Variants in RP1 observed in about 807,000 individuals in gnomAD.
RP1 encodes RP1 axonemal microtubule associated, also known as oxygen-regulated protein 1.
Under a neutral mutation model 14.8 loss-of-function variants are expected in RP1, and 16 were observed. The observed-to-expected ratio is 1.08, with a 90% confidence interval of 0.73 to 1.65. The LOEUF is 1.65. Among genes scored for constraint, RP1 ranks in the 40% most tolerant of loss-of-function variants. The probability of loss-of-function intolerance (pLI) is 0.00; values close to 1 mark genes in which losing one functional copy is unlikely to be tolerated. For synonymous variants in RP1, 876 were observed against 883.6 expected, an observed-to-expected ratio of 0.99 and a Z score of 0.15; for missense variants, 2,631 against 2,535.0, an observed-to-expected ratio of 1.04 and a Z score of -0.81.
At chr8:54,632,601 A>G (rs1216796724), downstream of RP1, among the ~76,000 whole-genome samples, 2 of 152,196 alleles carry the variant, frequency 1.3e-5, no homozygotes, top group Non-Finnish European at 2.9e-5. Context: ...CCTCTTACTA[A>G]TTTCAGATCC....
rs1285005619 is a variant in RP1 at position 54,620,950 on chromosome 8, T to G, written c.-12-5T>G. On this transcript the variant is annotated splice_region_variant and splice_polypyrimidine_tract_variant and intron_variant, in intron 1 of 3. Coordinates refer to ENST00000220676, the MANE Select transcript of RP1 (RefSeq NM_006269.2). ...ATTCTGGAGATAATTTTCTTTCTTC[T>G]CTAGGTCTCAGCCAAAATGAGTGAT... 1 of 1,614,024 alleles carries G rather than the reference T, an allele frequency of 6.2e-7. No homozygotes were observed. Among genetic ancestry groups the G allele is most frequent in the East Asian group, 2.2e-5 (1 of 44,880 alleles).
intron 1 of RP1, chr8:54,561,774 G>T (rs1347380784): frequency 6.6e-6 from 1 of 152,156 alleles, no homozygotes; most frequent in Non-Finnish European, 1.5e-5. Flanking sequence ...ATTATTGCTG[G>T]AACATTCTAT....
intron 24 of RP1, among the ~76,000 whole-genome samples, chr8:54,789,592 C>A (rs1450778215): frequency 1.3e-5 from 2 of 152,162 alleles, no homozygotes; most frequent in Non-Finnish European, 2.9e-5. Context: ...CAGTCTATGG[C>A]CCCTTTCAGC....
chr8:54,620,938 T>A lies in RP1; in HGVS notation c.-12-17T>A, dbSNP rs1054293499. ...TATGGTGCTGTGATTCTGGAGATAA[T>A]TTTCTTTCTTCTCTAGGTCTCAGCC... is the stretch of plus-strand genomic sequence containing the variant. On this transcript the variant is annotated splice_polypyrimidine_tract_variant and intron_variant, in intron 1 of 3. Transcript: ENST00000220676. 1 of 1,612,726 alleles carries A rather than the reference T, an allele frequency of 6.2e-7. No homozygotes were observed. The highest frequency in any genetic ancestry group is 8.5e-7 in the Non-Finnish European group (1 of 1,178,734).
rs767891799 is a variant in RP1, at chr8:54,628,741, A to G, written c.4859A>G (p.Glu1620Gly). The change falls in exon 4 of 4, where the codon GAG (glutamate) becomes GGG (glycine). Residue 1620 changes from glutamate to glycine, a missense_variant. By Grantham distance (98) the Glu-to-Gly change is moderately conservative (BLOSUM62 -2). Coordinates refer to ENST00000220676, the MANE Select transcript of RP1 (RefSeq NM_006269.2). ...DPNDSGELTQ[E>G]KEYNIGFVKR... ...AATGACAGTGGCGAACTTACCCAAG[A>G]GAAAGAATATAACATAGGATTTGTT... 3 of 1,614,120 alleles carry G rather than the reference A, an allele frequency of 1.9e-6. No individual in the cohort carries two copies. Among genetic ancestry groups the G allele is most frequent in the Non-Finnish European group, 2.5e-6 (3 of 1,179,994 alleles).
rs944125355 is a variant in RP1, at chr8:54,723,670, G to A, written c.2390-2675G>A. On this transcript the variant is annotated intron_variant, in intron 16 of 22. Transcript: ENST00000636932. ...ATCCGGATATGTGGGTGATTTGAAA[G>A]TTTTCTTCATTCTGTTCCTCCAGAT... Among the ~76,000 whole-genome samples, 6 of 152,236 alleles carry A rather than the reference G, an allele frequency of 3.9e-5. No individual in the cohort carries two copies. The South Asian group carries it at 1.2e-3, about 32-fold the overall frequency.
At chr8:54,807,666 C>CTA (rs1810888110) in intron 24 of RP1, among the ~76,000 whole-genome samples, 1 of 58,572 alleles carries the variant, frequency 1.7e-5, no homozygotes, top group Non-Finnish European at 3.3e-5. Context: ...ATCTATCTAT[C>CTA]TATCTATCTA....
chr8:54,853,233 G>A (rs1179536319), intron 26 of RP1, among the ~76,000 whole-genome samples: 1 of 152,168 alleles, frequency 6.6e-6, no homozygotes, highest in African/African-American at 2.4e-5. Context: ...TCATGGGGCT[G>A]GGATTTCTCA....
At chr8:54,710,087 C>T (rs146083760) in intron 15 of RP1, among the ~76,000 whole-genome samples, 198 of 152,280 alleles carry the variant, frequency 1.3e-3, no homozygotes, top group African/African-American at 4.6e-3. Flanking sequence ...AGGGGTTCTC[C>T]CATTCTAGGG....
At chr8:54,681,696 C>G (rs1350989876) in intron 12 of RP1, among the ~76,000 whole-genome samples, 1 of 151,986 alleles carries the variant, frequency 6.6e-6, no homozygotes, top group Non-Finnish European at 1.5e-5. Context: ...CCCCTGGACC[C>G]CCAACAGGTC....
At chr8:54,838,605 G>GTGTGTATA (rs1426678003) in intron 25 of RP1, among the ~76,000 whole-genome samples, 1 of 152,162 alleles carries the variant, frequency 6.6e-6, no homozygotes. Context: ...ATGTATGCAT[G>GTGTGTATA]TGTGTATATG....
chr8:54,600,951 T>C (rs1366107461), intron 1 of RP1, among the ~76,000 whole-genome samples: 2 of 152,174 alleles, frequency 1.3e-5, no homozygotes, highest in African/African-American at 4.8e-5. Flanking sequence ...AGCCCTCCTG[T>C]CTTCTTGTCT....
At chr8:54,811,374 AAATG>A (rs1235118363) in intron 24 of RP1, among the ~76,000 whole-genome samples, 2 of 152,194 alleles carry the variant, frequency 1.3e-5, no homozygotes, top group Non-Finnish European at 2.9e-5. Flanking sequence ...TTTAATAACA[AAATG>A]TAACATTTTC....
chr8:54,567,783 A>G (rs979102807), intron 1 of RP1, among the ~76,000 whole-genome samples: 3 of 152,200 alleles, frequency 2.0e-5, no homozygotes, highest in Admixed American at 2.0e-4. Flanking sequence ...TGATTACTTC[A>G]TTAGATCAGG....
At chr8:54,611,613 C>A (rs1473069075), upstream of RP1, among the ~76,000 whole-genome samples, 1 of 151,896 alleles carries the variant, frequency 6.6e-6, no homozygotes, top group South Asian at 2.1e-4. Context: ...CTGTTTTTGT[C>A]CATGTGTTCC....
At chr8:54,622,499 GGT>G (rs1355686648) in intron 3 of RP1, among the ~76,000 whole-genome samples, 1 of 152,030 alleles carries the variant, frequency 6.6e-6, no homozygotes, top group Non-Finnish European at 1.5e-5. Context: ...CCAAATCAAT[GGT>G]ATGCCTATTT....
chr8:54,698,420 C>T (rs991527246), intron 12 of RP1, among the ~76,000 whole-genome samples: 2 of 152,138 alleles, frequency 1.3e-5, no homozygotes, highest in Non-Finnish European at 2.9e-5. Flanking sequence ...GAAATAGGAA[C>T]GCTTTTACGC....
At chr8:54,568,015 A>G (rs531963351) in intron 1 of RP1, among the ~76,000 whole-genome samples, 4 of 152,326 alleles carry the variant, frequency 2.6e-5, no homozygotes, top group African/African-American at 9.6e-5. Flanking sequence ...TGGTGGACCT[A>G]CAGTGCTAAA....
At chr8:54,622,653 C>T (rs1805913624) in intron 3 of RP1, among the ~76,000 whole-genome samples, 1 of 152,182 alleles carries the variant, frequency 6.6e-6, no homozygotes, top group Non-Finnish European at 1.5e-5. Context: ...CATGCAGCAT[C>T]CATAGCTGAC....
Sources: gnomAD v4.1 joint callset for allele counts (sites outside exome capture counted in the v4.1 genomes callset) on GRCh38, gnomAD v4.1.1 for gene constraint, MANE v1.5 for transcripts, NCBI Gene and HGNC (gene_info 2026-07-23, HGNC 2026-07-21) for gene names.